The following CC2D2B variants were observed in gnomAD, a reference collection of about 807,000 sequenced individuals.
CC2D2B encodes protein CC2D2B.
CC2D2B carries 128 observed loss-of-function variants against 161.2 expected under a neutral mutation model. The observed-to-expected ratio is 0.79, with a 90% CI of 0.69 to 0.92. CC2D2B has a LOEUF of 0.92. Ranked by LOEUF, CC2D2B falls within the 40% of genes least tolerant of loss-of-function variation. The pLI is 0.00. For synonymous variants in CC2D2B, 391 were observed against 449.8 expected (o/e 0.87, Z 1.65); for missense variants, 1,173 against 1,375.1 (o/e 0.85, Z 2.32).
At chr10:95,919,680 G>A (rs1435689031) in intron 2 of CC2D2B, 4 of 152,106 alleles carry the variant, frequency 2.6e-5, no homozygotes, top group Non-Finnish European at 5.9e-5. Flanking sequence ...GGGCTATTTA[G>A]TGAGCAAATG....
Position 95,965,932 on chromosome 10 carries a change from CT to C in CC2D2B, c.1288del (p.Ser430GlnfsTer27). 8.2e-7 allele frequency: 1 copy of C among 1,214,984 alleles called. No homozygotes were observed. The highest frequency in any genetic ancestry group is 1.0e-6 in the Non-Finnish European group (1 of 972,922). The allele number at this position is 1,214,984 out of a possible 1,614,324, so 75.3% of individuals were successfully genotyped here. A position where few individuals can be genotyped will look rare whatever the true frequency, so the allele number is the denominator to read the frequency against. Reference sequence around the variant, plus strand: ...ATAAATGTGATGAACAAGAGCAAATCTCAGAAATGTCTGAAACTGAGAAGAA... The same window carrying C: ...ATAAATGTGATGAACAAGAGCAAATCCAGAAATGTCTGAAACTGAGAAGAA... Reference protein sequence around the residue: ...MNKCDEQEQISEMSETEKKNE... With the variant: ...MNKCDEQEQIXEMSETEKKNE... On this transcript the variant is annotated frameshift_variant, in exon 13 of 35. Coordinates refer to ENST00000646931, the MANE Select transcript of CC2D2B (RefSeq NM_001349008.3). LOFTEE classifies it high-confidence loss of function.
At chr10:95,979,998 C>T (rs1480540163) in intron 17 of CC2D2B, among the ~76,000 whole-genome samples, 13 of 152,290 alleles carry the variant, frequency 8.5e-5, no homozygotes, top group Admixed American at 5.2e-4. Context: ...AATTAAAGCT[C>T]GCCTCTTTCT....
chr10:95,999,301 G>C (rs538668640), intron 24 of CC2D2B, among the ~76,000 whole-genome samples: 2 of 152,110 alleles, frequency 1.3e-5, no homozygotes, highest in South Asian at 2.1e-4. Flanking sequence ...TAGCTTGATT[G>C]CTTACTTCTT....
At position 96,012,172 on chromosome 10, in the gene CC2D2B, T is replaced by TA; in HGVS notation, c.3046-12dup. On this transcript the variant is annotated splice_polypyrimidine_tract_variant and intron_variant, in intron 26 of 34. Coordinates refer to ENST00000646931, the MANE Select transcript of CC2D2B (RefSeq NM_001349008.3). ...CATCATGCATAATCCATTATACTGA[T>TA]ATACTCTTTCAGATTAGTGGAACAT... The TA allele has an allele frequency of 1.0e-5, 7 of 669,658 alleles. No individual in the cohort carries two copies. The highest frequency in any genetic ancestry group is 1.9e-5 in the Non-Finnish European group (7 of 365,998). 41.5% of individuals were successfully genotyped at this position (669,658 alleles called of 1,614,324 possible).
chr10:96,003,585 A>T (rs1178848505), intron 24 of CC2D2B, among the ~76,000 whole-genome samples: 2 of 46,590 alleles, frequency 4.3e-5, no homozygotes, highest in African/African-American at 1.9e-4. Flanking sequence ...GGCCCGGCTA[A>T]TTGTGTGTGT....
intron 33 of CC2D2B, among the ~76,000 whole-genome samples, chr10:96,025,172 TATATATATATA>T (rs2079666584): frequency 5.7e-5 from 1 of 17,622 alleles, no homozygotes; most frequent in South Asian, 2.0e-3. Flanking sequence ...TATATATATA[TATATATATATA>T]TAAAAAAAAA....
chr10:95,940,777 AT>A (rs1439997162), intron 9 of CC2D2B, among the ~76,000 whole-genome samples: 2 of 152,204 alleles, frequency 1.3e-5, no homozygotes, highest in Non-Finnish European at 2.9e-5. Context: ...AGGACTTAAT[AT>A]TGTTAAAAAT....
Position 95,992,689 on chromosome 10 carries a change from A to G in CC2D2B, c.2634A>G (p.Thr878=). Residue 878 remains threonine, a synonymous_variant, in exon 22 of 35, where the codon ACA becomes ACG. Coordinates refer to ENST00000646931, the MANE Select transcript of CC2D2B (RefSeq NM_001349008.3). ...RAYNIPTRKT[T]INGSLDMPTC... ...ATAATATTCCTACCAGAAAAACAAC[A>G]ATTAATGGGTAAGGCAATATGCCCC... is the stretch of plus-strand genomic sequence containing the variant. 1.6e-6 allele frequency: 2 copies of G among 1,234,092 alleles called. No homozygotes were observed. The highest frequency in any genetic ancestry group is 1.5e-5 in the African/African-American group (1 of 64,602). 76.4% of individuals were successfully genotyped at this position (1,234,092 alleles called of 1,614,324 possible). A position where few individuals can be genotyped will look rare whatever the true frequency, so the allele number is the denominator to read the frequency against.
intron 11 of CC2D2B, among the ~76,000 whole-genome samples, chr10:95,956,628 C>T (rs146777955): frequency 6.6e-6 from 1 of 152,166 alleles, no homozygotes; most frequent in Non-Finnish European, 1.5e-5. Context: ...GTTGTACTAG[C>T]AGAGAACCTG....
chr10:95,917,785 T>C (rs539436371), intron 2 of CC2D2B, among the ~76,000 whole-genome samples: 108 of 152,310 alleles, frequency 7.1e-4, no homozygotes, highest in African/African-American at 2.5e-3. Flanking sequence ...AGTTATTATT[T>C]TTGAGACAGT....
intron 9 of CC2D2B, among the ~76,000 whole-genome samples, 185 bp downstream of exon 9, chr10:95,939,110 G>A (rs765473550): frequency 2.0e-5 from 3 of 152,022 alleles, no homozygotes; most frequent in Non-Finnish European, 4.4e-5. Context: ...ATGATATGGG[G>A]AAATGCTCAA....
intron 19 of CC2D2B, among the ~76,000 whole-genome samples, chr10:95,987,891 T>C (rs1175347904): frequency 6.6e-6 from 1 of 152,216 alleles, no homozygotes; most frequent in Non-Finnish European, 1.5e-5. Flanking sequence ...CTGCCCATGC[T>C]CTTAACCACG....
intron 23 of CC2D2B, among the ~76,000 whole-genome samples, chr10:95,995,871 A>G (rs1444372865): frequency 6.6e-6 from 1 of 152,166 alleles, no homozygotes; most frequent in African/African-American, 2.4e-5. Context: ...CTTATTTCTC[A>G]CATTTCATTG....
intron 9 of CC2D2B, among the ~76,000 whole-genome samples, chr10:95,944,982 C>T (rs11188531): frequency 0.27 from 40,743 of 152,122 alleles, 6,386 homozygotes; most frequent in Admixed American, 0.36. Context: ...AAGGCCCCTC[C>T]GCTATTGTCA....
In CC2D2B at chr10:95,960,435, T is replaced by C. The variant is rs192249710; in HGVS notation, c.1110-1394T>C. ...TTAAAAGGAAAAGCATGAAGAGATA[T>C]AAGAAAATTTAATTTTGTTGTGGGG... On this transcript the variant is annotated intron_variant, in intron 11 of 34. Transcript: ENST00000646931. Among the ~76,000 whole-genome samples, 670 of 152,290 alleles carry C rather than the reference T, an allele frequency of 4.4e-3. 3 individuals are homozygous for C. Among genetic ancestry groups the C allele is most frequent in the South Asian group, 5.8e-3 (28 of 4,818 alleles).
intron 16 of CC2D2B, 150 bp from the exon 17 acceptor site, chr10:95,973,859 C>CT: frequency 3.2e-6 from 1 of 311,694 alleles, no homozygotes; most frequent in Non-Finnish European, 5.2e-6. Flanking sequence ...AAAACTCTGT[C>CT]TCAAAAAAAA....
At chr10:96,027,912 G>T (rs999835530) in intron 34 of CC2D2B, among the ~76,000 whole-genome samples, 1 of 152,168 alleles carries the variant, frequency 6.6e-6, no homozygotes, top group East Asian at 1.9e-4. Context: ...AATAAATGAT[G>T]CTGGGAAAAC....
intron 6 of CC2D2B, among the ~76,000 whole-genome samples, chr10:95,929,661 C>T (rs1161752865): frequency 6.6e-6 from 1 of 152,052 alleles, no homozygotes; most frequent in African/African-American, 2.4e-5. Flanking sequence ...GAATCTTTAC[C>T]CCATTGCTTG....
chr10:95,997,549 A>T, intron 24 of CC2D2B, among the ~76,000 whole-genome samples: 1 of 151,986 alleles, frequency 6.6e-6, no homozygotes, highest in East Asian at 1.9e-4. Context: ...CACCACACCC[A>T]GCTAATTTAT....
Sources: gnomAD v4.1 joint callset for allele counts (sites outside exome capture counted in the v4.1 genomes callset) on GRCh38, gnomAD v4.1.1 for gene constraint, MANE v1.5 for transcripts, NCBI Gene and HGNC (gene_info 2026-07-23, HGNC 2026-07-21) for gene names.